Variants in MICAL2 observed in about 807,000 individuals in gnomAD.
MICAL2 encodes the protein [F-actin]-monooxygenase MICAL2.
A neutral mutation model predicts 127.3 loss-of-function variants in MICAL2; 77 were observed. That is an observed-to-expected ratio of 0.60 (90% CI 0.50 to 0.73). The LOEUF (loss-of-function observed/expected upper bound fraction) is 0.73. MICAL2 is among the 30% of genes least tolerant of loss of function. MICAL2 has a pLI of 0.00. For synonymous variants in MICAL2, 570 were observed against 551.1 expected (o/e 1.03, Z -0.48); for missense variants, 1,351 against 1,434.4 (o/e 0.94, Z 0.94).
intron 1 of MICAL2, among the ~76,000 whole-genome samples, chr11:12,121,163 G>T (rs770080196): frequency 6.6e-6 from 1 of 152,202 alleles, no homozygotes; most frequent in Non-Finnish European, 1.5e-5. Flanking sequence ...CTGAGCTTTG[G>T]TGGCTCTTGA....
At chr11:12,250,893 G>A (rs895844295) in intron 22 of MICAL2, among the ~76,000 whole-genome samples, 1 of 152,130 alleles carries the variant, frequency 6.6e-6, no homozygotes, top group Non-Finnish European at 1.5e-5. Flanking sequence ...GCTTCTGTTT[G>A]GTAGGAACCA....
At chr11:12,235,421 T>C (rs928481615) in intron 15 of MICAL2, among the ~76,000 whole-genome samples, 3 of 152,010 alleles carry the variant, frequency 2.0e-5, no homozygotes, top group Non-Finnish European at 4.4e-5. Context: ...AACCATGTCA[T>C]GTATCATCTA....
At chr11:12,119,343 G>C (rs777133157) in intron 1 of MICAL2, among the ~76,000 whole-genome samples, 7 of 152,172 alleles carry the variant, frequency 4.6e-5, no homozygotes, top group Non-Finnish European at 8.8e-5. Context: ...AATTGGCATG[G>C]CTGCACAATA....
chr11:12,322,134 G>A (rs1410419243), intron 30 of MICAL2, among the ~76,000 whole-genome samples: 1 of 152,160 alleles, frequency 6.6e-6, no homozygotes. Context: ...GATGATACAT[G>A]TGAAATAATT....
intron 21 of MICAL2, among the ~76,000 whole-genome samples, chr11:12,246,129 C>T (rs1403942024): frequency 6.6e-6 from 1 of 152,250 alleles, no homozygotes; most frequent in African/African-American, 2.4e-5. Context: ...AATACCCTGA[C>T]TTGGTTTCCA....
Position 12,255,638 on chromosome 11 carries a change from G to A in MICAL2, c.2848-5G>A. 6.2e-7 allele frequency: 1 copy of A among 1,613,904 alleles called. No individual in the cohort carries two copies. The highest frequency in any genetic ancestry group is 2.2e-5 in the East Asian group (1 of 44,878). ...TCTGTCTCCTCTGCCTCTGCTCTTG[G>A]TTAGCTGACGGTAGGGAAAGTGTCC... On this transcript the variant is annotated splice_polypyrimidine_tract_variant and splice_region_variant and intron_variant, in intron 22 of 27. Transcript: ENST00000683283.
At chr11:12,311,510 G>C (rs35133444) in intron 29 of MICAL2, among the ~76,000 whole-genome samples, 60,784 of 151,806 alleles carry the variant, frequency 0.4, 14,793 homozygotes, top group Non-Finnish European at 0.55. Context: ...CTCTGGGGTT[G>C]AAGAGATTCT....
intron 9 of MICAL2, 86 bp downstream of exon 9, chr11:12,220,544 A>C (rs1856698505): frequency 2.0e-6 from 3 of 1,514,630 alleles, no homozygotes; most frequent in Non-Finnish European, 2.6e-6. Flanking sequence ...GCTGTTGTGC[A>C]GCGGGGAGAG....
rs749826070 is a variant in MICAL2 at position 12,220,409 on chromosome 11, G to A, written c.1157G>A (p.Arg386Gln). The change falls in exon 9 of 28, where the codon CGG (arginine) becomes CAG (glutamine). Residue 386 changes from arginine (R) to glutamine (Q), a missense_variant. Transcript: ENST00000683283. The part of the protein sequence containing the change: ...ASENAALVRE[R>Q]QAHQLLVALV... ...GAGAACGCGGCCCTGGTGCGGGAGC[G>A]GCAGGCGCACCAGCTGCTCGTGGCC... The A allele has an allele frequency of 5.8e-5, 94 of 1,613,218 alleles. No individual in the cohort carries two copies. The highest frequency in any genetic ancestry group is 7.2e-5 in the Non-Finnish European group (85 of 1,180,038).
At chr11:12,212,728 T>G (rs1308836530) in intron 6 of MICAL2, among the ~76,000 whole-genome samples, 1 of 139,432 alleles carries the variant, frequency 7.2e-6, no homozygotes, top group African/African-American at 2.9e-5. Flanking sequence ...GGGGTTAGGA[T>G]TTCAACACAT....
chr11:12,155,280 T>C (rs1854032643), intron 2 of MICAL2, among the ~76,000 whole-genome samples: 1 of 152,188 alleles, frequency 6.6e-6, no homozygotes, highest in Non-Finnish European at 1.5e-5. Flanking sequence ...ATGTATATGA[T>C]ATATTTGCAT....
rs1028189462 is a variant in MICAL2, at chr11:12,259,706, G to A, written c.3232-89G>A. The A allele has an allele frequency of 6.6e-6, 8 of 1,215,508 alleles. No individual in the cohort carries two copies. The Admixed American group carries it at 1.3e-4, about 19-fold the overall frequency. 75.3% of individuals were successfully genotyped at this position (1,215,508 alleles called of 1,614,324 possible). A position where few individuals can be genotyped will look rare whatever the true frequency, so the allele number is the denominator to read the frequency against. On this transcript the variant is annotated intron_variant, in intron 25 of 27. Transcript: ENST00000683283. Reference sequence around the variant, plus strand: ...GTGGGGGCTGGTTGCAGGGTCTGGCGAGTTCAGTTTGTATTGGCTGTTGGC... The same window carrying A: ...GTGGGGGCTGGTTGCAGGGTCTGGCAAGTTCAGTTTGTATTGGCTGTTGGC...
At chr11:12,293,505 T>C, downstream of MICAL2, 7 of 1,524,692 alleles carry the variant, frequency 4.6e-6, no homozygotes, top group Non-Finnish European at 6.2e-6. Flanking sequence ...GCTTTCATCA[T>C]ATAAATAAAT....
chr11:12,255,433 T>C (rs762889663), intron 22 of MICAL2: 17 of 561,334 alleles, frequency 3.0e-5, no homozygotes, highest in Non-Finnish European at 4.8e-5. Flanking sequence ...CTTGTGTTTT[T>C]GCGGCCACAG....
At chr11:12,131,351 A>G in intron 1 of MICAL2, among the ~76,000 whole-genome samples, 1 of 151,724 alleles carries the variant, frequency 6.6e-6, no homozygotes, top group Non-Finnish European at 1.5e-5. Context: ...CCCCAAGGTA[A>G]TGGCTCAGGC....
Position 12,221,738 on chromosome 11 carries a change from C to G in MICAL2, c.1301C>G (p.Pro434Arg), listed in dbSNP as rs753472802. 3 of 1,613,402 alleles carry G rather than the reference C, an allele frequency of 1.9e-6. No homozygotes were observed. In the African/African-American group the frequency reaches 4.0e-5, roughly 22 times the overall value. The change falls in exon 10 of 28, where the codon CCC becomes CGC. Residue 434 changes from proline (P) to arginine (R), a missense_variant. Pro to Arg is a moderately radical substitution (Grantham distance 103, BLOSUM62 -2). Coordinates refer to ENST00000683283, the MANE Select transcript of MICAL2 (RefSeq NM_001282663.2). ...MVKSWNQGTP[P>R]LELLAERESL... ...AAGAGCTGGAACCAGGGCACCCCTC[C>G]CCTGGAGCTGCTGGCTGAAAGGTGA...
intron 3 of MICAL2, chr11:12,196,301 T>C: frequency 6.6e-6 from 1 of 152,450 alleles, no homozygotes; most frequent in East Asian, 1.9e-4. Context: ...GAGAAGCAGG[T>C]TTTTGCAGGG....
At chr11:12,305,223 A>G (rs1361679546) in intron 29 of MICAL2, among the ~76,000 whole-genome samples, 1 of 152,202 alleles carries the variant, frequency 6.6e-6, no homozygotes, top group Non-Finnish European at 1.5e-5. Context: ...GAAACTTACA[A>G]TTGTGGCAGA....
chr11:12,339,349 A>G (rs1938821329), intron 32 of MICAL2, among the ~76,000 whole-genome samples: 1 of 151,710 alleles, frequency 6.6e-6, no homozygotes, highest in African/African-American at 2.4e-5. Flanking sequence ...TTAGCCATTC[A>G]TCTAATTTTT....
Sources: gnomAD v4.1 joint callset for allele counts (sites outside exome capture counted in the v4.1 genomes callset) on GRCh38, gnomAD v4.1.1 for gene constraint, MANE v1.5 for transcripts, NCBI Gene and HGNC (gene_info 2026-07-23, HGNC 2026-07-21) for gene names.